EFCAB11: variants seen among roughly 807,000 people sequenced by gnomAD.
EFCAB11 encodes EF-hand calcium-binding domain-containing protein 11.
In EFCAB11, 14 loss-of-function variants were observed where a neutral mutation model predicts 23.0. The observed-to-expected ratio is 0.61, with a 90% confidence interval of 0.40 to 0.95. The LOEUF (loss-of-function observed/expected upper bound fraction) is 0.95. EFCAB11 is among the 40% of genes least tolerant of loss of function. The probability of loss-of-function intolerance (pLI) is 0.00; values close to 1 mark genes in which losing one functional copy is unlikely to be tolerated. For synonymous variants in EFCAB11, 65 were observed against 66.6 expected, an observed-to-expected ratio of 0.98 and a Z score of 0.11; for missense variants, 198 against 195.8, an observed-to-expected ratio of 1.01 and a Z score of -0.07.
chr14:89,817,993 CAA>C (rs1491555532), intron 5 of EFCAB11, among the ~76,000 whole-genome samples: 5 of 129,100 alleles, frequency 3.9e-5, no homozygotes, highest in Non-Finnish European at 7.7e-5. Flanking sequence ...GACTCTGTCT[CAA>C]AATAAATAAA....
intron 2 of EFCAB11, among the ~76,000 whole-genome samples, chr14:89,950,989 C>A (rs897232671): frequency 6.6e-6 from 1 of 152,122 alleles, no homozygotes; most frequent in African/African-American, 2.4e-5. Context: ...TGCCATCCAG[C>A]CTCGTGTTTT....
intron 3 of EFCAB11, among the ~76,000 whole-genome samples, chr14:89,943,894 G>A (rs536168723): frequency 6.6e-6 from 1 of 152,124 alleles, no homozygotes; most frequent in African/African-American, 2.4e-5. Flanking sequence ...TACAGGTGGG[G>A]ACTGTATTCT....
chr14:89,805,492 G>C (rs1289719726), intron 5 of EFCAB11, among the ~76,000 whole-genome samples: 2 of 152,202 alleles, frequency 1.3e-5, no homozygotes, highest in East Asian at 3.8e-4. Flanking sequence ...GCAGAGGTGA[G>C]GCTTGCTATT....
chr14:89,898,060 C>T (rs2140198518), intron 5 of EFCAB11, among the ~76,000 whole-genome samples: 1 of 152,256 alleles, frequency 6.6e-6, no homozygotes, highest in South Asian at 2.1e-4. Flanking sequence ...TCTAGAAATG[C>T]ACACCAACTT....
chr14:89,946,084 A>G (rs911025524), intron 3 of EFCAB11, among the ~76,000 whole-genome samples: 11 of 151,696 alleles, frequency 7.3e-5, no homozygotes, highest in African/African-American at 2.4e-4. Flanking sequence ...ATGTCCAGCT[A>G]ATTTTTTTGT....
At chr14:89,928,241 T>A (rs958237393) in intron 5 of EFCAB11, among the ~76,000 whole-genome samples, 3 of 152,192 alleles carry the variant, frequency 2.0e-5, no homozygotes, top group Non-Finnish European at 2.9e-5. Context: ...ACATATGTTA[T>A]TATATTAATA....
At chr14:89,900,789 T>TAAG (rs1889316237) in intron 5 of EFCAB11, among the ~76,000 whole-genome samples, 1 of 152,230 alleles carries the variant, frequency 6.6e-6, no homozygotes, top group Non-Finnish European at 1.5e-5. Flanking sequence ...CTTCTAGAGC[T>TAAG]TACCTTTGCC....
chr14:89,952,919 C>T (rs1891222290), intron 2 of EFCAB11, among the ~76,000 whole-genome samples: 1 of 152,090 alleles, frequency 6.6e-6, no homozygotes, highest in Non-Finnish European at 1.5e-5. Flanking sequence ...TGACTAATTC[C>T]AGCTTAACAA....
At chr14:89,873,326 G>A (rs902269772) in intron 5 of EFCAB11, among the ~76,000 whole-genome samples, 1 of 152,090 alleles carries the variant, frequency 6.6e-6, no homozygotes, top group Non-Finnish European at 1.5e-5. Flanking sequence ...CCTCCCACCA[G>A]CTCACTCCCA....
chr14:89,933,063 C>A (rs984058510), intron 3 of EFCAB11, among the ~76,000 whole-genome samples: 1 of 152,038 alleles, frequency 6.6e-6, no homozygotes, highest in African/African-American at 2.4e-5. Context: ...ACTGGGAGAT[C>A]GGGTCAGAGA....
At chr14:89,947,635 C>A (rs1434564957) in intron 3 of EFCAB11, among the ~76,000 whole-genome samples, 1 of 152,198 alleles carries the variant, frequency 6.6e-6, no homozygotes, top group African/African-American at 2.4e-5. Context: ...ATAGTGCTGA[C>A]CACACCTTCC....
At chr14:89,839,268 T>C (rs1210366575) in intron 5 of EFCAB11, among the ~76,000 whole-genome samples, 3 of 152,138 alleles carry the variant, frequency 2.0e-5, no homozygotes, top group East Asian at 1.9e-4. Context: ...GTATTTACTA[T>C]AAAAATAGGA....
intron 5 of EFCAB11, among the ~76,000 whole-genome samples, chr14:89,930,738 T>C (rs1890360359): frequency 6.6e-6 from 1 of 152,198 alleles, no homozygotes. Flanking sequence ...CGCCCCTGGT[T>C]TGCCTATGTT....
intron 5 of EFCAB11, among the ~76,000 whole-genome samples, chr14:89,811,904 T>A (rs182896387): frequency 6.6e-6 from 1 of 152,322 alleles, no homozygotes; most frequent in East Asian, 1.9e-4. Context: ...TAGTTTCGGA[T>A]ATTTAAGTTT....
chr14:89,855,890 T>A (rs1231757208), intron 5 of EFCAB11, among the ~76,000 whole-genome samples: 1 of 152,192 alleles, frequency 6.6e-6, no homozygotes, highest in Non-Finnish European at 1.5e-5. Flanking sequence ...ATATTTGGCT[T>A]TCTGTATGTG....
At chr14:89,812,756 G>C (rs1208687643) in intron 5 of EFCAB11, among the ~76,000 whole-genome samples, 1 of 152,174 alleles carries the variant, frequency 6.6e-6, no homozygotes, top group Non-Finnish European at 1.5e-5. Flanking sequence ...ATCACCCCAT[G>C]CTATATACCA....
At chr14:89,858,656 A>ATTTTTTTTTTTTTTTTTTTTTTTT (rs10648464) in intron 5 of EFCAB11, among the ~76,000 whole-genome samples, 1 of 88,990 alleles carries the variant, frequency 1.1e-5, no homozygotes, top group African/African-American at 4.4e-5. Context: ...CACCCAGCTA[A>ATTTTTTTTTTTTTTTTTTTTTTTT]TTTTTTTTTT....
chr14:89,797,811 T>C (rs1212818538), intron 5 of EFCAB11, among the ~76,000 whole-genome samples: 5 of 152,108 alleles, frequency 3.3e-5, no homozygotes, highest in Admixed American at 1.3e-4. Flanking sequence ...TGGGCCCCTG[T>C]AATCCCAGCT....
At chr14:89,858,821 T>C (rs1409864766) in intron 5 of EFCAB11, among the ~76,000 whole-genome samples, 2 of 152,110 alleles carry the variant, frequency 1.3e-5, no homozygotes, top group Admixed American at 6.6e-5. Flanking sequence ...ATAGTTTTCT[T>C]AGTTAAAAAA....
Sources: allele counts gnomAD v4.1 joint callset (sites outside exome capture counted in the v4.1 genomes callset), GRCh38; gene constraint gnomAD v4.1.1; transcripts MANE v1.5; gene names NCBI Gene and HGNC (gene_info 2026-07-23, HGNC 2026-07-21).